LRRK1: variants seen among roughly 807,000 people sequenced by gnomAD.
LRRK1 encodes the protein leucine rich repeat kinase 1.
Under a neutral mutation model 209.1 loss-of-function variants are expected in LRRK1, and 113 were observed. That is an observed-to-expected ratio of 0.54 (90% confidence interval 0.46 to 0.63). LRRK1 has a LOEUF of 0.63. Among genes scored for constraint, LRRK1 ranks in the 30% least tolerant of loss-of-function variants. The probability of loss-of-function intolerance (pLI) is 0.00; values close to 1 mark genes in which losing one functional copy is unlikely to be tolerated. For missense variants in LRRK1, 2,284 were observed against 2,632.2 expected (o/e 0.87, Z 2.89); for synonymous variants, 1,144 against 1,099.7 (o/e 1.04, Z -0.80).
intron 2 of LRRK1, among the ~76,000 whole-genome samples, chr15:100,937,309 C>T (rs890233331): frequency 1.3e-5 from 2 of 152,004 alleles, no homozygotes; most frequent in African/African-American, 4.8e-5. Context: ...TACCCATTCC[C>T]GCCCCCTACC....
intron 20 of LRRK1, among the ~76,000 whole-genome samples, chr15:101,039,929 G>A (rs1016349890): frequency 3.3e-5 from 5 of 152,104 alleles, no homozygotes; most frequent in African/African-American, 1.2e-4. Flanking sequence ...CATACCAAGT[G>A]TTCATGATTT....
chr15:101,006,622 G>A (rs1000363146), intron 6 of LRRK1, among the ~76,000 whole-genome samples: 2 of 122,918 alleles, frequency 1.6e-5, no homozygotes, highest in South Asian at 2.4e-4. Flanking sequence ...ATAATTATAC[G>A]GCTGTTGTGT....
intron 20 of LRRK1, among the ~76,000 whole-genome samples, chr15:101,034,194 C>G (rs1208748157): frequency 6.6e-6 from 1 of 152,122 alleles, no homozygotes; most frequent in Non-Finnish European, 1.5e-5. Context: ...AATATTTTCT[C>G]TCATTCAACA....
chr15:101,040,017 A>G (rs2034671449), intron 20 of LRRK1, among the ~76,000 whole-genome samples: 1 of 151,994 alleles, frequency 6.6e-6, no homozygotes, highest in Non-Finnish European at 1.5e-5. Flanking sequence ...TTCATGAGGG[A>G]TATTGGTTGG....
chr15:101,000,728 CT>C, intron 6 of LRRK1, among the ~76,000 whole-genome samples: 1 of 152,226 alleles, frequency 6.6e-6, no homozygotes. Flanking sequence ...GTTCACGTTT[CT>C]CCTTTTTCAT....
intron 2 of LRRK1, among the ~76,000 whole-genome samples, chr15:100,930,599 C>T (rs1391074033): frequency 6.6e-6 from 1 of 152,238 alleles, no homozygotes; most frequent in Non-Finnish European, 1.5e-5. Flanking sequence ...TATCTGGTGG[C>T]CTCTGTGCTT....
In LRRK1 at chr15:101,053,389, C is replaced by T. The variant is rs1480034868; in HGVS notation, c.4023C>T (p.Ser1341=). 1 of 1,599,552 alleles carries T rather than the reference C, an allele frequency of 6.3e-7. No homozygotes were observed. The highest frequency in any genetic ancestry group is 1.7e-5 in the Admixed American group (1 of 59,940). The change falls in exon 26 of 34, where the codon AGC becomes AGT. Residue 1341 remains serine, a synonymous_variant. Coordinates refer to ENST00000388948, the MANE Select transcript of LRRK1 (RefSeq NM_024652.6). ...CCCTGGAGCTCGCGCCGCTCAGCAG[C>T]CTCAACACCGTGCTGTCCGAGAACG... The part of the protein sequence containing the change: ...CFALELAPLS[S]LNTVLSENAR...
At chr15:101,010,418 C>G (rs768945017) in intron 7 of LRRK1, 32 bp from the exon 8 acceptor site, 23 of 1,590,496 alleles carry the variant, frequency 1.4e-5, no homozygotes, top group Admixed American at 3.8e-5. Flanking sequence ...CCTCTTTATT[C>G]TGATGCCTGC....
At chr15:101,025,215 C>G (rs768932409) in intron 16 of LRRK1, among the ~76,000 whole-genome samples, 5 of 152,214 alleles carry the variant, frequency 3.3e-5, no homozygotes, top group Non-Finnish European at 5.9e-5. Context: ...AAAAGCAGAG[C>G]AGGGTTCCCT....
At chr15:101,049,610 T>C (rs376381366) in intron 22 of LRRK1, 34 bp from the exon 23 acceptor site, 18 of 1,606,262 alleles carry the variant, frequency 1.1e-5, no homozygotes, top group South Asian at 1.1e-4. Context: ...CAGAGCCAGA[T>C]CGCAATGGGC....
chr15:101,016,830 C>T (rs374456938), intron 12 of LRRK1, among the ~76,000 whole-genome samples: 1 of 152,220 alleles, frequency 6.6e-6, no homozygotes, highest in Admixed American at 6.5e-5. Context: ...TTTGGACCCA[C>T]AGGCTGAGGT....
chr15:101,015,421 A>C lies in LRRK1; in HGVS notation c.1609+19A>C. On this transcript the variant is annotated intron_variant, in intron 12 of 33. Transcript: ENST00000388948. ...GAGGCAGGTGTGTGTGGGTTGGGAG[A>C]CGGTGTTCCCAGATGAGACAGCCGG... 6.3e-7 allele frequency: 1 copy of C among 1,598,906 alleles called. No homozygotes were observed. The highest frequency in any genetic ancestry group is 1.1e-5 in the South Asian group (1 of 89,804).
intron 2 of LRRK1, among the ~76,000 whole-genome samples, chr15:100,972,183 G>A (rs978043275): frequency 1.2e-4 from 18 of 151,836 alleles, no homozygotes; most frequent in Admixed American, 2.0e-4. Flanking sequence ...GGCTGGTCTC[G>A]AACTCCTGAC....
At chr15:100,969,976 C>A (rs144551021) in intron 2 of LRRK1, among the ~76,000 whole-genome samples, 3 of 151,978 alleles carry the variant, frequency 2.0e-5, no homozygotes, top group African/African-American at 7.3e-5. Context: ...GCAACCTCTG[C>A]CTCCCAGGTT....
At chr15:100,995,358 A>G (rs1395701514) in intron 6 of LRRK1, among the ~76,000 whole-genome samples, 1 of 152,164 alleles carries the variant, frequency 6.6e-6, no homozygotes, top group Non-Finnish European at 1.5e-5. Context: ...AGAGAAACCC[A>G]CATTTGTTTT....
intron 12 of LRRK1, among the ~76,000 whole-genome samples, chr15:101,019,940 T>A (rs954762374): frequency 1.3e-5 from 2 of 152,222 alleles, no homozygotes; most frequent in Non-Finnish European, 2.9e-5. Flanking sequence ...TTGACATGAT[T>A]TTCATGGTAA....
intron 33 of LRRK1, chr15:101,067,375 C>G (rs28455598): frequency 6.7e-6 from 3 of 448,144 alleles, no homozygotes; most frequent in East Asian, 7.0e-5. Context: ...CTTTGACTAC[C>G]GAGCCCCACA....
intron 2 of LRRK1, among the ~76,000 whole-genome samples, chr15:100,971,247 T>C (rs1328898884): frequency 6.7e-6 from 1 of 148,264 alleles, no homozygotes; most frequent in Non-Finnish European, 1.5e-5. Context: ...GGCATGAGAA[T>C]CACTTGAACC....
chr15:101,045,977 T>C lies in LRRK1; in HGVS notation c.2964-4T>C. 1 of 1,613,940 alleles carries C rather than the reference T, an allele frequency of 6.2e-7. No homozygotes were observed. The highest frequency in any genetic ancestry group is 1.1e-5 in the South Asian group (1 of 91,054). On this transcript the variant is annotated splice_polypyrimidine_tract_variant and splice_region_variant and intron_variant, in intron 20 of 33. Coordinates refer to ENST00000388948, the MANE Select transcript of LRRK1 (RefSeq NM_024652.6). ...GTTCACCAGTCCCCCTTGGTGTGTT[T>C]CAGCTACCTCCTGCCCCATCTCCTT...
Sources: gnomAD v4.1 joint callset for allele counts (sites outside exome capture counted in the v4.1 genomes callset) on GRCh38, gnomAD v4.1.1 for gene constraint, MANE v1.5 for transcripts, NCBI Gene and HGNC (gene_info 2026-07-23, HGNC 2026-07-21) for gene names.